Variants in MARCHF11 observed in about 807,000 individuals in gnomAD.
MARCHF11 encodes E3 ubiquitin-protein ligase MARCHF11.
A neutral mutation model predicts 37.3 loss-of-function variants in MARCHF11; 29 were observed. The ratio of observed to expected loss-of-function variants is 0.78; its 90% confidence interval spans 0.58 to 1.06. MARCHF11 has a LOEUF of 1.06. Ranked by LOEUF, MARCHF11 falls within the 50% of genes least tolerant of loss-of-function variation. The pLI is 0.00. For synonymous variants in MARCHF11, 233 were observed against 228.0 expected (o/e 1.02, Z -0.20); for missense variants, 482 against 533.4 (o/e 0.90, Z 0.95).
At chr5:16,169,708 C>G (rs1738227397) in intron 2 of MARCHF11, among the ~76,000 whole-genome samples, 1 of 152,040 alleles carries the variant, frequency 6.6e-6, no homozygotes, top group African/African-American at 2.4e-5. Context: ...GTCAGATATC[C>G]AAGGATACAG....
chr5:16,118,248 AG>A (rs751265997), intron 2 of MARCHF11, among the ~76,000 whole-genome samples: 2 of 152,222 alleles, frequency 1.3e-5, no homozygotes, highest in Non-Finnish European at 2.9e-5. Context: ...GTCCTTCCAA[AG>A]GGATTTGAAG....
chr5:16,114,247 A>G (rs753932301), intron 2 of MARCHF11, among the ~76,000 whole-genome samples: 2 of 152,206 alleles, frequency 1.3e-5, no homozygotes, highest in Non-Finnish European at 2.9e-5. Context: ...TGTTAATACA[A>G]TCCTCCTTCT....
At chr5:16,118,165 G>A (rs113320459) in intron 2 of MARCHF11, among the ~76,000 whole-genome samples, 59 of 152,332 alleles carry the variant, frequency 3.9e-4, no homozygotes, top group African/African-American at 1.3e-3. Flanking sequence ...GATGGGACGC[G>A]CGGGGGGAAA....
chr5:16,171,155 G>T (rs952354848), intron 2 of MARCHF11, among the ~76,000 whole-genome samples: 6 of 151,836 alleles, frequency 4.0e-5, no homozygotes, highest in African/African-American at 1.5e-4. Flanking sequence ...TGCACATTGT[G>T]CAGGTTAGTT....
At chr5:16,107,731 G>C (rs889989983) in intron 2 of MARCHF11, among the ~76,000 whole-genome samples, 5 of 151,966 alleles carry the variant, frequency 3.3e-5, no homozygotes, top group Non-Finnish European at 5.9e-5. Flanking sequence ...CGAACCCCAG[G>C]CTCCAGGAGC....
At chr5:16,163,222 T>C (rs553414320) in intron 2 of MARCHF11, among the ~76,000 whole-genome samples, 3 of 151,992 alleles carry the variant, frequency 2.0e-5, no homozygotes, top group Non-Finnish European at 4.4e-5. Flanking sequence ...AGAACAGGTT[T>C]CCACAACTCC....
At chr5:16,090,719 T>C (rs1459238775) in intron 3 of MARCHF11, among the ~76,000 whole-genome samples, 170 bp downstream of exon 3, 1 of 151,944 alleles carries the variant, frequency 6.6e-6, no homozygotes, top group African/African-American at 2.4e-5. Flanking sequence ...ATATAGATGC[T>C]ATGCTTTCTT....
At chr5:16,100,012 C>T (rs1214133551) in intron 2 of MARCHF11, among the ~76,000 whole-genome samples, 3 of 152,078 alleles carry the variant, frequency 2.0e-5, no homozygotes, top group African/African-American at 7.2e-5. Context: ...GTTTGAAGGG[C>T]CATGACCCAG....
At chr5:16,153,523 A>G (rs1737921540) in intron 2 of MARCHF11, among the ~76,000 whole-genome samples, 2 of 152,024 alleles carry the variant, frequency 1.3e-5, no homozygotes, top group African/African-American at 2.4e-5. Flanking sequence ...TGTGTTTTAG[A>G]ATGTAGAAAA....
intron 2 of MARCHF11, among the ~76,000 whole-genome samples, chr5:16,148,647 T>TACAGGCTGTAGCAGCCAC (rs1737843770): frequency 6.6e-6 from 1 of 152,176 alleles, no homozygotes; most frequent in African/African-American, 2.4e-5. Flanking sequence ...AAAGCAGACA[T>TACAGGCTGTAGCAGCCAC]ACAGGCTGTA....
chr5:16,146,961 G>T (rs1273564249), intron 2 of MARCHF11, among the ~76,000 whole-genome samples: 1 of 152,220 alleles, frequency 6.6e-6, no homozygotes, highest in East Asian at 1.9e-4. Context: ...CTGAGATAGA[G>T]ACTCAGAGAG....
chr5:16,110,536 G>C (rs80272025), intron 2 of MARCHF11, among the ~76,000 whole-genome samples: 2,590 of 152,280 alleles, frequency 0.017, 67 homozygotes, highest in African/African-American at 0.058. Context: ...ATTTGAATTA[G>C]AAGGTATTCA....
chr5:16,157,794 T>C (rs1738002251), intron 2 of MARCHF11, among the ~76,000 whole-genome samples: 1 of 151,790 alleles, frequency 6.6e-6, no homozygotes, highest in South Asian at 2.1e-4. Context: ...TTTTTGGAGA[T>C]GATACCAAAA....
At chr5:16,154,926 G>A (rs992446642) in intron 2 of MARCHF11, among the ~76,000 whole-genome samples, 1 of 151,922 alleles carries the variant, frequency 6.6e-6, no homozygotes, top group East Asian at 1.9e-4. Context: ...TGGACAATTT[G>A]GAAGTATCTA....
chr5:16,078,071 T>C (rs1329633744), intron 3 of MARCHF11, among the ~76,000 whole-genome samples: 1 of 152,200 alleles, frequency 6.6e-6, no homozygotes, highest in Non-Finnish European at 1.5e-5. Flanking sequence ...ATAGAAAACA[T>C]TTCGTAAGTT....
chr5:16,132,191 T>C (rs1737528617), intron 2 of MARCHF11, among the ~76,000 whole-genome samples: 1 of 152,218 alleles, frequency 6.6e-6, no homozygotes, highest in South Asian at 2.1e-4. Context: ...AAATTAGATA[T>C]TCTCCAGGTG....
chr5:16,114,941 C>T (rs1737205918), intron 2 of MARCHF11, among the ~76,000 whole-genome samples: 3 of 152,098 alleles, frequency 2.0e-5, no homozygotes, highest in South Asian at 2.1e-4. Flanking sequence ...GATGTGGAAT[C>T]AAAAACCATT....
intron 2 of MARCHF11, among the ~76,000 whole-genome samples, chr5:16,162,774 T>C (rs1309140388): frequency 6.6e-6 from 1 of 151,996 alleles, no homozygotes; most frequent in Admixed American, 6.6e-5. Flanking sequence ...GATGAACAAA[T>C]AAATGAATAC....
chr5:16,164,256 TA>T (rs1431504064), intron 2 of MARCHF11, among the ~76,000 whole-genome samples: 2 of 151,948 alleles, frequency 1.3e-5, no homozygotes, highest in Admixed American at 1.3e-4. Context: ...AGTCCCAAAA[TA>T]TGTGAAGAAA....
Sources: allele counts gnomAD v4.1 joint callset (sites outside exome capture counted in the v4.1 genomes callset), GRCh38; gene constraint gnomAD v4.1.1; transcripts MANE v1.5; gene names NCBI Gene and HGNC (gene_info 2026-07-23, HGNC 2026-07-21).